EFTUD2: variants seen among roughly 807,000 people sequenced by gnomAD.
The protein encoded by EFTUD2 is 116 kDa U5 small nuclear ribonucleoprotein component.
EFTUD2 carries 9 observed loss-of-function variants against 114.3 expected under a neutral mutation model. That is an observed-to-expected ratio of 0.08 (90% CI 0.05 to 0.14). The LOEUF (loss-of-function observed/expected upper bound fraction) is 0.14. EFTUD2 is among the 10% of genes least tolerant of loss of function. EFTUD2 has a pLI of 1.00. For missense variants in EFTUD2, 765 were observed against 1,241.2 expected (o/e 0.62, Z 5.76); for synonymous variants, 449 against 462.3 (o/e 0.97, Z 0.37).
intron 2 of EFTUD2, among the ~76,000 whole-genome samples, chr17:44,890,540 A>C (rs1412559048): frequency 6.6e-6 from 1 of 151,808 alleles, no homozygotes; most frequent in African/African-American, 2.4e-5. Context: ...TAAAAATACA[A>C]AACTAGCCGG....
At chr17:44,876,486 G>C (rs866645591) in intron 9 of EFTUD2, among the ~76,000 whole-genome samples, 1 of 152,174 alleles carries the variant, frequency 6.6e-6, no homozygotes, top group African/African-American at 2.4e-5. Flanking sequence ...TAACCTAGCT[G>C]TGCTCAGTGA....
chr17:44,879,519 C>T, intron 9 of EFTUD2, 37 bp downstream of exon 9: 2 of 1,608,076 alleles, frequency 1.2e-6, no homozygotes, highest in Admixed American at 1.7e-5. Flanking sequence ...GCAAACATAA[C>T]AGGTGGATGA....
chr17:44,892,782 C>G (rs2051305428), intron 2 of EFTUD2, among the ~76,000 whole-genome samples: 2 of 151,770 alleles, frequency 1.3e-5, no homozygotes, highest in African/African-American at 4.8e-5. Context: ...GGATTACAGG[C>G]ATGTACCACC....
At chr17:44,851,898 T>C in intron 26 of EFTUD2, 81 bp from the exon 27 acceptor site, 1 of 1,186,548 alleles carries the variant, frequency 8.4e-7, no homozygotes, top group South Asian at 1.5e-5. Context: ...TTCTTATTTA[T>C]TTTATTCCTA....
intron 1 of EFTUD2, chr17:44,895,682 T>A (rs1448260243): frequency 6.6e-6 from 1 of 152,186 alleles, no homozygotes; most frequent in Non-Finnish European, 1.5e-5. Context: ...CCTCACCATG[T>A]GTAATTCCTA....
intron 18 of EFTUD2, chr17:44,859,661 A>ACAC: frequency 5.0e-6 from 3 of 597,436 alleles, no homozygotes; most frequent in South Asian, 2.1e-5. Context: ...ACACACACAC[A>ACAC]ACCTTGTCCT....
intron 4 of EFTUD2, 144 bp from the exon 5 acceptor site, chr17:44,883,868 C>T (rs1325818250): frequency 4.3e-6 from 3 of 695,662 alleles, no homozygotes; most frequent in South Asian, 3.2e-5. Context: ...AATGTCTATA[C>T]TTACATAGCT....
chr17:44,893,280 G>C (rs1312525709), intron 2 of EFTUD2, among the ~76,000 whole-genome samples: 1 of 152,010 alleles, frequency 6.6e-6, no homozygotes, highest in African/African-American at 2.4e-5. Context: ...GCGCCAACAA[G>C]CCTGGCTAAT....
rs1196129277 is a variant in EFTUD2 at position 44,876,867 on chromosome 17, A to AAC, written c.703-768_703-767insGT. Reference sequence around the variant, plus strand: ...TGAGACTCCGTCTCAAAAAAAAAAAAAAAAAAAAAAAAAACTACTCCCCAC... The same window carrying AAC: ...TGAGACTCCGTCTCAAAAAAAAAAAAACAAAAAAAAAAAAAACTACTCCCCAC... On this transcript the variant is annotated intron_variant, in intron 9 of 27. Transcript: ENST00000426333. Among the ~76,000 whole-genome samples the AAC allele has an allele frequency of 2.4e-4, 36 of 150,134 alleles. 1 individual carries two copies. The highest frequency in any genetic ancestry group is 5.4e-4 in the African/African-American group (22 of 40,908).
At chr17:44,890,879 C>G (rs1398124937) in intron 2 of EFTUD2, among the ~76,000 whole-genome samples, 2 of 152,122 alleles carry the variant, frequency 1.3e-5, no homozygotes, top group African/African-American at 4.8e-5. Context: ...ATCCTACAAC[C>G]AGCAACTCTG....
intron 12 of EFTUD2, 27 bp from the exon 13 acceptor site, chr17:44,867,924 A>C: frequency 6.4e-7 from 1 of 1,553,964 alleles, no homozygotes; most frequent in Non-Finnish European, 8.7e-7. Flanking sequence ...GTTCTGAGTG[A>C]CCCAGGGGAA....
At chr17:44,874,290 C>A (rs1237055527) in intron 10 of EFTUD2, among the ~76,000 whole-genome samples, 1 of 152,110 alleles carries the variant, frequency 6.6e-6, no homozygotes, top group African/African-American at 2.4e-5. Flanking sequence ...AGGGATCCTC[C>A]TGCCTTGACC....
intron 12 of EFTUD2, among the ~76,000 whole-genome samples, 173 bp from the exon 13 acceptor site, chr17:44,868,070 G>A (rs951971271): frequency 3.3e-5 from 5 of 151,830 alleles, no homozygotes; most frequent in African/African-American, 9.7e-5. Flanking sequence ...GACCCTCCTG[G>A]ATGCCTGAGC....
At position 44,853,309 on chromosome 17, in the gene EFTUD2, G is replaced by C; in HGVS notation, c.2548C>G (p.Leu850Val). Reference protein sequence around the residue: ...ADCVSAVYTVLARRRGHVTQD... With the variant: ...ADCVSAVYTVVARRRGHVTQD... Reference sequence around the variant, plus strand: ...GGGGCCGCTCACCTGCGCCTGGCCAGGACGGTATAAACTGCAGAGACGCAA... The same window carrying C: ...GGGGCCGCTCACCTGCGCCTGGCCACGACGGTATAAACTGCAGAGACGCAA... Residue 850 changes from leucine (L) to valine (V), a missense_variant, in exon 25 of 28, where the codon CTG (leucine) becomes GTG (valine). By Grantham distance (32) the Leu-to-Val change is conservative (BLOSUM62 1). Coordinates refer to ENST00000426333, the MANE Select transcript of EFTUD2 (RefSeq NM_004247.4). The C allele has an allele frequency of 6.2e-7, 1 of 1,613,956 alleles. No individual in the cohort carries two copies. Among genetic ancestry groups the C allele is most frequent in the Non-Finnish European group, 8.5e-7 (1 of 1,179,900 alleles).
chr17:44,862,426 C>A (rs1291440781), intron 16 of EFTUD2, among the ~76,000 whole-genome samples: 1 of 152,030 alleles, frequency 6.6e-6, no homozygotes, highest in African/African-American at 2.4e-5. Flanking sequence ...CAGAGTGAGA[C>A]CCTGTCTCAA....
intron 25 of EFTUD2, among the ~76,000 whole-genome samples, chr17:44,853,070 C>G (rs1436068966): frequency 6.6e-6 from 1 of 152,006 alleles, no homozygotes; most frequent in Non-Finnish European, 1.5e-5. Context: ...TTAGTAGAGA[C>G]GGGGTTTCAC....
In EFTUD2 at chr17:44,850,264, C is replaced by G. The variant is rs371571998; in HGVS notation, c.*1010G>C. 2.3e-6 allele frequency: 3 copies of G among 1,304,036 alleles called. No individual in the cohort carries two copies. Among genetic ancestry groups the G allele is most frequent in the African/African-American group, 2.9e-5 (2 of 69,882 alleles). 80.8% of individuals were successfully genotyped at this position (1,304,036 alleles called of 1,614,324 possible). On this transcript the variant is annotated 3_prime_UTR_variant, in exon 28 of 28. Coordinates refer to ENST00000426333, the MANE Select transcript of EFTUD2 (RefSeq NM_004247.4). ...AGCAGCTAGAGGTGAACCCCTAGGA[C>G]GCCTGAGAGCCAGAGGACGGGTGAA...
At chr17:44,888,718 C>T (rs2051220820) in intron 2 of EFTUD2, among the ~76,000 whole-genome samples, 1 of 152,030 alleles carries the variant, frequency 6.6e-6, no homozygotes, top group South Asian at 2.1e-4. Flanking sequence ...ATCTGAGCAC[C>T]GGAAAACAGC....
chr17:44,860,566 G>A (rs1477977174), intron 16 of EFTUD2, 23 bp from the exon 17 acceptor site: 5 of 1,407,814 alleles, frequency 3.6e-6, no homozygotes, highest in Non-Finnish European at 5.0e-6. Flanking sequence ...CCAATAAGCA[G>A]CAGTGAAACT....
Sources: allele counts gnomAD v4.1 joint callset (sites outside exome capture counted in the v4.1 genomes callset), GRCh38; gene constraint gnomAD v4.1.1; transcripts MANE v1.5; gene names NCBI Gene and HGNC (gene_info 2026-07-23, HGNC 2026-07-21).